Variants in ENTREP2 observed in about 807,000 individuals in gnomAD.
The protein encoded by ENTREP2 is protein ENTREP2.
the ENTREP2 span, among the ~76,000 whole-genome samples, chr15:29,462,344 C>T: frequency 6.6e-6 from 1 of 152,214 alleles, no homozygotes; most frequent in Non-Finnish European, 1.5e-5. Context: ...TTCAGTGGCT[C>T]ACACCTGTAA....
chr15:29,233,170 T>C, the ENTREP2 span, among the ~76,000 whole-genome samples: 1 of 152,222 alleles, frequency 6.6e-6, no homozygotes, highest in Non-Finnish European at 1.5e-5. Context: ...AAAGTGCAAG[T>C]GGAAGTGGGA....
the ENTREP2 span, among the ~76,000 whole-genome samples, chr15:29,620,840 T>C: frequency 6.6e-6 from 1 of 151,916 alleles, no homozygotes; most frequent in Non-Finnish European, 1.5e-5. Context: ...GGGCAGGAAA[T>C]GGAGAGAAAG....
chr15:29,223,978 T>G, the ENTREP2 span, among the ~76,000 whole-genome samples: 8 of 152,216 alleles, frequency 5.3e-5, no homozygotes, highest in Non-Finnish European at 8.8e-5. Context: ...TCCACCTCTG[T>G]ACTCAGAAGT....
the ENTREP2 span, among the ~76,000 whole-genome samples, chr15:29,348,175 T>C: frequency 4.6e-5 from 7 of 152,190 alleles, no homozygotes; most frequent in Non-Finnish European, 8.8e-5. Context: ...AAAATATCTG[T>C]GTATGTCTTC....
At chr15:29,345,130 C>T in the ENTREP2 span, among the ~76,000 whole-genome samples, 8 of 152,212 alleles carry the variant, frequency 5.3e-5, no homozygotes, top group East Asian at 7.7e-4. Context: ...TACAAGTGCC[C>T]GTACCGTAGG....
chr15:29,341,762 A>G, the ENTREP2 span, among the ~76,000 whole-genome samples: 1 of 152,130 alleles, frequency 6.6e-6, no homozygotes, highest in Non-Finnish European at 1.5e-5. Flanking sequence ...CCTGCAGGAA[A>G]AGAACCGGGA....
At chr15:29,417,517 T>G in the ENTREP2 span, among the ~76,000 whole-genome samples, 1 of 152,128 alleles carries the variant, frequency 6.6e-6, no homozygotes, top group African/African-American at 2.4e-5. Flanking sequence ...CAGAGAGAGA[T>G]AGCATTAGGA....
At chr15:29,638,319 ACAC>A in the ENTREP2 span, among the ~76,000 whole-genome samples, 1 of 152,128 alleles carries the variant, frequency 6.6e-6, no homozygotes, top group Non-Finnish European at 1.5e-5. Flanking sequence ...TTTATCCTGA[ACAC>A]CACTGGTCTC....
chr15:29,261,679 A>G, the ENTREP2 span, among the ~76,000 whole-genome samples: 3 of 152,234 alleles, frequency 2.0e-5, no homozygotes, highest in Admixed American at 2.0e-4. Context: ...AATTTTTTAA[A>G]AAATCAAAGA....
the ENTREP2 span, among the ~76,000 whole-genome samples, chr15:29,627,628 A>G: frequency 6.6e-6 from 1 of 151,300 alleles, no homozygotes; most frequent in Non-Finnish European, 1.5e-5. Context: ...AACTCTATCC[A>G]TTAAATGGTA....
chr15:29,620,594 C>A, the ENTREP2 span, among the ~76,000 whole-genome samples: 1 of 152,004 alleles, frequency 6.6e-6, no homozygotes, highest in Non-Finnish European at 1.5e-5. Context: ...AGTATGATCA[C>A]ACCACTGCAC....
At chr15:29,654,292 A>T in the ENTREP2 span, among the ~76,000 whole-genome samples, 1 of 152,154 alleles carries the variant, frequency 6.6e-6, no homozygotes, top group Admixed American at 6.5e-5. Context: ...ATCAGACCCA[A>T]ATCAAAACTG....
At chr15:29,501,283 A>G in the ENTREP2 span, among the ~76,000 whole-genome samples, 4 of 152,010 alleles carry the variant, frequency 2.6e-5, no homozygotes, top group Non-Finnish European at 5.9e-5. Flanking sequence ...TCAACAAAAC[A>G]TTAGCAAATG....
At chr15:29,149,030 C>T in the ENTREP2 span, among the ~76,000 whole-genome samples, 1 of 152,178 alleles carries the variant, frequency 6.6e-6, no homozygotes, top group Non-Finnish European at 1.5e-5. Context: ...GCATGTGCCA[C>T]CATGCCCGGC....
At chr15:29,454,354 G>A in the ENTREP2 span, among the ~76,000 whole-genome samples, 5,618 of 152,252 alleles carry the variant, frequency 0.037, 144 homozygotes, top group South Asian at 0.11. Context: ...GACAGCGTAT[G>A]TCCTGATTTA....
the ENTREP2 span, among the ~76,000 whole-genome samples, chr15:29,145,622 C>CAA: frequency 0.26 from 15,047 of 57,876 alleles, 2,610 homozygotes; most frequent in East Asian, 0.34. Context: ...GACTCCATCT[C>CAA]AAAAAAAAAA....
the ENTREP2 span, among the ~76,000 whole-genome samples, chr15:29,637,435 A>G: frequency 1.3e-5 from 2 of 152,206 alleles, no homozygotes; most frequent in Non-Finnish European, 2.9e-5. Flanking sequence ...TCAGAAACAC[A>G]TCAGGTCACC....
the ENTREP2 span, among the ~76,000 whole-genome samples, chr15:29,362,301 C>T: frequency 6.6e-6 from 1 of 150,912 alleles, no homozygotes; most frequent in Non-Finnish European, 1.5e-5. Context: ...CAAGATGATG[C>T]ATTTAATTAT....
chr15:29,405,040 C>G, the ENTREP2 span, among the ~76,000 whole-genome samples: 2 of 152,192 alleles, frequency 1.3e-5, no homozygotes, highest in African/African-American at 4.8e-5. Context: ...GCCCTCCCTG[C>G]CTGGACTCCT....
Sources: gnomAD v4.1 joint callset for allele counts (sites outside exome capture counted in the v4.1 genomes callset) on GRCh38, gnomAD v4.1.1 for gene constraint, MANE v1.5 for transcripts, NCBI Gene and HGNC (gene_info 2026-07-23, HGNC 2026-07-21) for gene names.